Variants in STX8 observed in about 807,000 individuals in gnomAD.
STX8 encodes the protein syntaxin 8.
A neutral mutation model predicts 37.5 loss-of-function variants in STX8; 23 were observed. The observed-to-expected ratio is 0.61, with a 90% CI of 0.44 to 0.87. The LOEUF (loss-of-function observed/expected upper bound fraction) is 0.87, where lower values mean the gene tolerates loss of function less well. Ranked by LOEUF, STX8 falls within the 40% of genes least tolerant of loss-of-function variation. The pLI is 0.00. For missense variants in STX8, 313 were observed against 284.7 expected (o/e 1.10, Z -0.71); for synonymous variants, 115 against 99.1 (o/e 1.16, Z -0.95).
At position 9,505,092 on chromosome 17, in the gene STX8, T is replaced by A. The variant is rs1463910857; in HGVS notation, c.394A>T (p.Thr132Ser). The A allele has an allele frequency of 1.2e-6, 2 of 1,613,548 alleles. No individual in the cohort carries two copies. Among genetic ancestry groups the A allele is most frequent in the African/African-American group, 2.7e-5 (2 of 74,912 alleles). Residue 132 changes from threonine to serine, a missense_variant, in exon 5 of 8, where the codon ACC becomes TCC. By Grantham distance (58) the Thr-to-Ser change is moderately conservative. Coordinates refer to ENST00000306357, the MANE Select transcript of STX8 (RefSeq NM_004853.3). ...NPWLFEEPEE[T>S]RGLGFDEIRQ... ...ATTTCATCAAAACCCAAGCCTCTGG[T>A]CTCCTCTGGCTCCTCAAAGAGCCAA... is the stretch of plus-strand genomic sequence containing the variant.
intron 7 of STX8, among the ~76,000 whole-genome samples, chr17:9,317,018 G>A (rs1384451930): frequency 2.0e-5 from 3 of 152,074 alleles, no homozygotes; most frequent in Non-Finnish European, 2.9e-5. Flanking sequence ...CCTATCTCAC[G>A]CACTAAGGTG....
intron 6 of STX8, among the ~76,000 whole-genome samples, chr17:9,431,462 GTTTT>G (rs960250523): frequency 7.9e-6 from 1 of 126,626 alleles, no homozygotes; most frequent in Non-Finnish European, 1.7e-5. Flanking sequence ...TGTTTTTTTT[GTTTT>G]TTTGTTTTTT....
chr17:9,508,097 A>C (rs9911212), intron 4 of STX8, among the ~76,000 whole-genome samples: 4 of 152,208 alleles, frequency 2.6e-5, no homozygotes, highest in African/African-American at 9.7e-5. Flanking sequence ...AAATATACAA[A>C]ATGACAGAAA....
chr17:9,312,414 T>G (rs1249375515), intron 7 of STX8, among the ~76,000 whole-genome samples: 1 of 151,336 alleles, frequency 6.6e-6, no homozygotes, highest in Non-Finnish European at 1.5e-5. Context: ...TTGGTCAGGC[T>G]GGTCTCAAAC....
chr17:9,342,964 T>C (rs1017874222), intron 7 of STX8, among the ~76,000 whole-genome samples: 1 of 143,710 alleles, frequency 7.0e-6, no homozygotes, highest in Non-Finnish European at 1.5e-5. Context: ...GAGGTTGCAG[T>C]GAGCCAAGAT....
At chr17:9,408,374 G>A (rs769238746) in intron 6 of STX8, among the ~76,000 whole-genome samples, 10 of 152,100 alleles carry the variant, frequency 6.6e-5, no homozygotes, top group Admixed American at 2.0e-4. Flanking sequence ...CCCAGGAAAG[G>A]GATAGCCAGT....
At chr17:9,528,980 C>G (rs1228819328) in intron 4 of STX8, among the ~76,000 whole-genome samples, 1 of 152,004 alleles carries the variant, frequency 6.6e-6, no homozygotes. Flanking sequence ...GCAGAACCTA[C>G]AGAGTCATTA....
chr17:9,528,588 G>A (rs897786519), intron 4 of STX8, among the ~76,000 whole-genome samples: 15 of 152,154 alleles, frequency 9.9e-5, no homozygotes, highest in African/African-American at 2.7e-4. Context: ...GATTACAGGC[G>A]TGAGCCACTG....
At chr17:9,315,100 CA>C (rs58632329) in intron 7 of STX8, among the ~76,000 whole-genome samples, 78,191 of 108,758 alleles carry the variant, frequency 0.72, 26,258 homozygotes, top group Admixed American at 0.81. Flanking sequence ...GACTCTGTCT[CA>C]AAAAAAAAAA....
intron 4 of STX8, among the ~76,000 whole-genome samples, chr17:9,536,591 C>T (rs976085012): frequency 6.6e-6 from 1 of 152,114 alleles, no homozygotes; most frequent in Non-Finnish European, 1.5e-5. Flanking sequence ...CTCCTTTGTC[C>T]TCCTCCCTGA....
intron 7 of STX8, among the ~76,000 whole-genome samples, chr17:9,348,417 C>CAAAA (rs1190839413): frequency 1.0e-5 from 1 of 99,470 alleles, no homozygotes; most frequent in Non-Finnish European, 2.1e-5. Flanking sequence ...GACTCTGTCT[C>CAAAA]AAAAAAAAAA....
At chr17:9,400,125 C>G (rs1376573273) in intron 6 of STX8, among the ~76,000 whole-genome samples, 1 of 139,544 alleles carries the variant, frequency 7.2e-6, no homozygotes, top group East Asian at 2.2e-4. Context: ...TTTTTTGAGA[C>G]GGAGTCTCAC....
chr17:9,388,063 C>A (rs1325571102), intron 6 of STX8, among the ~76,000 whole-genome samples: 1 of 148,960 alleles, frequency 6.7e-6, no homozygotes, highest in African/African-American at 2.5e-5. Flanking sequence ...TGTTTCTAAA[C>A]AACTCTATTT....
intron 3 of STX8, chr17:9,555,521 A>C (rs1906930240): frequency 1.3e-5 from 2 of 152,210 alleles, no homozygotes; most frequent in Admixed American, 1.3e-4. Flanking sequence ...ACATGAATTT[A>C]CACACCTTGC....
intron 7 of STX8, among the ~76,000 whole-genome samples, chr17:9,328,593 G>A (rs935352517): frequency 2.0e-5 from 3 of 152,154 alleles, no homozygotes; most frequent in Non-Finnish European, 4.4e-5. Context: ...GGTGACAAAC[G>A]CTGAGGTTGG....
At chr17:9,556,821 T>TATATATATATATATATATA (rs1324971087) in intron 3 of STX8, 23 of 138,924 alleles carry the variant, frequency 1.7e-4, no homozygotes, top group Non-Finnish European at 2.6e-4. Flanking sequence ...ATATATATAT[T>TATATATATATATATATATA]TTAACACTTG....
intron 7 of STX8, among the ~76,000 whole-genome samples, chr17:9,272,501 C>T (rs369316611): frequency 6.6e-6 from 1 of 152,300 alleles, no homozygotes; most frequent in East Asian, 1.9e-4. Flanking sequence ...AACAAAGATT[C>T]CAGATTGTAA....
intron 6 of STX8, among the ~76,000 whole-genome samples, chr17:9,483,407 T>A (rs1906433630): frequency 6.6e-6 from 1 of 152,160 alleles, no homozygotes; most frequent in South Asian, 2.1e-4. Flanking sequence ...ACTGGGATAA[T>A]CCAGGATAAT....
intron 7 of STX8, among the ~76,000 whole-genome samples, chr17:9,301,697 G>T (rs967609449): frequency 4.0e-5 from 6 of 151,390 alleles, no homozygotes; most frequent in African/African-American, 1.2e-4. Flanking sequence ...TTTCACCGTG[G>T]TAGCCAGGAT....
Sources: allele counts gnomAD v4.1 joint callset (sites outside exome capture counted in the v4.1 genomes callset), GRCh38; gene constraint gnomAD v4.1.1; transcripts MANE v1.5; gene names NCBI Gene and HGNC (gene_info 2026-07-23, HGNC 2026-07-21).